CNTNAP2: variants seen among roughly 807,000 people sequenced by gnomAD.
CNTNAP2 encodes contactin associated protein 2.
A neutral mutation model predicts 155.2 loss-of-function variants in CNTNAP2; 98 were observed. The observed-to-expected ratio is 0.63, with a 90% CI of 0.54 to 0.75. The LOEUF is 0.75. CNTNAP2 is among the 30% of genes least tolerant of loss of function. The pLI is 0.00. For missense variants in CNTNAP2, 1,727 were observed against 1,688.1 expected (o/e 1.02, Z -0.40); for synonymous variants, 651 against 631.2 (o/e 1.03, Z -0.47).
In CNTNAP2 at chr7:148,409,416, A is replaced by C. The variant is rs141772824; in HGVS notation, c.3741A>C (p.Pro1247=). The change falls in exon 23 of 24, where the codon CCA becomes CCC. Residue 1247 remains proline, a synonymous_variant. Transcript: ENST00000361727. ...CCAGTGCGGATTTTCCATATAATCC[A>C]GGACAAGGCCAAGCTATAAGAAATG... ...DSASADFPYN[P]GQGQAIRNGV... 274 of 1,613,774 alleles carry C rather than the reference A, an allele frequency of 1.7e-4. No homozygotes were observed. Among genetic ancestry groups the C allele is most frequent in the Non-Finnish European group, 2.2e-4 (259 of 1,179,770 alleles).
intron 15 of CNTNAP2, among the ~76,000 whole-genome samples, chr7:148,073,972 A>G (rs1234049554): frequency 6.6e-6 from 1 of 152,200 alleles, no homozygotes; most frequent in East Asian, 1.9e-4. Context: ...GGGGTCCTGG[A>G]ACCAATCCCC....
At chr7:146,229,991 A>C (rs1799358170) in intron 1 of CNTNAP2, among the ~76,000 whole-genome samples, 1 of 152,232 alleles carries the variant, frequency 6.6e-6, no homozygotes, top group Admixed American at 6.5e-5. Context: ...ACAAGCATTG[A>C]GTAAACGGCA....
intron 1 of CNTNAP2, among the ~76,000 whole-genome samples, chr7:146,406,295 A>AT (rs1795790680): frequency 6.6e-6 from 1 of 152,194 alleles, no homozygotes; most frequent in Admixed American, 6.5e-5. Context: ...CACAAATTCT[A>AT]TTTTTTAACA....
intron 13 of CNTNAP2, among the ~76,000 whole-genome samples, chr7:147,675,133 C>T (rs1411512655): frequency 6.6e-6 from 1 of 152,046 alleles, no homozygotes; most frequent in Non-Finnish European, 1.5e-5. Flanking sequence ...CTGCCTCTTC[C>T]ATATTCTGGT....
intron 8 of CNTNAP2, among the ~76,000 whole-genome samples, chr7:147,263,936 T>C (rs1804549237): frequency 6.6e-6 from 1 of 152,134 alleles, no homozygotes; most frequent in African/African-American, 2.4e-5. Context: ...TTTGAGTCTA[T>C]GGGGACATCG....
At position 147,007,116 on chromosome 7, in the gene CNTNAP2, T is replaced by C. The variant is rs530803107; in HGVS notation, c.403-36791T>C. 2.0e-5 allele frequency among the ~76,000 whole-genome samples: 3 copies of C among 152,248 alleles called. No individual in the cohort carries two copies. In the South Asian group the frequency reaches 6.2e-4, roughly 32 times the overall value. ...CATTAGTATTTTAAATCCCCACTCA[T>C]GGGTGTGTTTTTTACTATTATGATG... is the stretch of plus-strand genomic sequence containing the variant. On this transcript the variant is annotated intron_variant, in intron 3 of 23. Transcript: ENST00000361727.
intron 15 of CNTNAP2, among the ~76,000 whole-genome samples, chr7:148,019,655 CTA>C (rs1802242980): frequency 6.6e-6 from 1 of 152,098 alleles, no homozygotes; most frequent in African/African-American, 2.4e-5. Context: ...CAGTGTTTCA[CTA>C]TGTTGCCCAT....
chr7:147,859,068 C>A (rs1312573362), intron 13 of CNTNAP2, among the ~76,000 whole-genome samples: 1 of 152,098 alleles, frequency 6.6e-6, no homozygotes, highest in Admixed American at 6.5e-5. Flanking sequence ...GAATGTCCTC[C>A]CGCTTCTCAA....
intron 13 of CNTNAP2, among the ~76,000 whole-genome samples, chr7:147,898,249 GT>G (rs1334604755): frequency 6.6e-6 from 1 of 152,138 alleles, no homozygotes. Flanking sequence ...TCCAGTCCCT[GT>G]TCATTCTCAA....
chr7:146,953,210 T>C (rs1160111185), intron 3 of CNTNAP2, among the ~76,000 whole-genome samples: 1 of 151,970 alleles, frequency 6.6e-6, no homozygotes, highest in Non-Finnish European at 1.5e-5. Flanking sequence ...AGTGGTCTTA[T>C]AAGCATTTTT....
Position 148,108,126 on chromosome 7 carries a change from C to A in CNTNAP2, c.2384-9992C>A, listed in dbSNP as rs57618468. 9.6e-3 allele frequency among the ~76,000 whole-genome samples: 1,466 copies of A among 152,326 alleles called. 30 individuals carry two copies. The highest frequency in any genetic ancestry group is 0.033 in the African/African-American group (1,381 of 41,572). ...AGGAGACAGGGCAGGGGCAGGCACA[C>A]CAGGCAGGGCCTCTACTTCTCATCA... On this transcript the variant is annotated intron_variant, in intron 15 of 23. Transcript: ENST00000361727.
At chr7:146,366,806 G>T (rs1795162072) in intron 1 of CNTNAP2, among the ~76,000 whole-genome samples, 1 of 152,094 alleles carries the variant, frequency 6.6e-6, no homozygotes, top group African/African-American at 2.4e-5. Flanking sequence ...TCTGAAAAGA[G>T]AAGTTGTACT....
intron 3 of CNTNAP2, among the ~76,000 whole-genome samples, chr7:146,926,576 C>T (rs1205554225): frequency 6.6e-6 from 1 of 152,076 alleles, no homozygotes; most frequent in African/African-American, 2.4e-5. Context: ...CCTCCTTCCA[C>T]AATTTTAGTA....
intron 12 of CNTNAP2, among the ~76,000 whole-genome samples, chr7:147,572,257 A>G (rs947259299): frequency 6.6e-6 from 1 of 152,122 alleles, no homozygotes; most frequent in African/African-American, 2.4e-5. Flanking sequence ...CCATAGTGAT[A>G]GGTTAATACT....
chr7:147,566,580 A>G (rs1800175513), intron 12 of CNTNAP2, among the ~76,000 whole-genome samples: 1 of 152,178 alleles, frequency 6.6e-6, no homozygotes, highest in Non-Finnish European at 1.5e-5. Context: ...TGCCTTCTTC[A>G]CAAGGCGGCA....
At chr7:146,931,053 C>A (rs1395613213) in intron 3 of CNTNAP2, among the ~76,000 whole-genome samples, 1 of 151,988 alleles carries the variant, frequency 6.6e-6, no homozygotes, top group East Asian at 1.9e-4. Context: ...CAAGGATACC[C>A]AGGAATTGAA....
intron 1 of CNTNAP2, among the ~76,000 whole-genome samples, chr7:146,770,393 A>C (rs1802273798): frequency 6.6e-6 from 1 of 151,976 alleles, no homozygotes; most frequent in South Asian, 2.1e-4. Context: ...AGCAAAATGC[A>C]GTGTAAGATC....
intron 1 of CNTNAP2, among the ~76,000 whole-genome samples, chr7:146,514,500 G>A (rs939894296): frequency 3.9e-5 from 6 of 151,978 alleles, no homozygotes; most frequent in Admixed American, 1.3e-4. Flanking sequence ...GATCAGTCCT[G>A]CTGCTGAGAC....
intron 16 of CNTNAP2, among the ~76,000 whole-genome samples, chr7:148,145,610 T>C (rs1002506674): frequency 4.6e-5 from 7 of 152,206 alleles, no homozygotes; most frequent in Non-Finnish European, 1.0e-4. Flanking sequence ...TTCTGACAAC[T>C]TACATTTAAA....
Sources: allele counts gnomAD v4.1 joint callset (sites outside exome capture counted in the v4.1 genomes callset), GRCh38; gene constraint gnomAD v4.1.1; transcripts MANE v1.5; gene names NCBI Gene and HGNC (gene_info 2026-07-23, HGNC 2026-07-21).